Variants in PHOX2B observed in about 807,000 individuals in gnomAD.
PHOX2B encodes paired mesoderm homeobox protein 2B.
Under a neutral mutation model 15.5 loss-of-function variants are expected in PHOX2B, and 1 was observed. That is an observed-to-expected ratio of 0.06 (90% CI 0.02 to 0.31). The LOEUF (loss-of-function observed/expected upper bound fraction) is 0.31, where lower values mean the gene tolerates loss of function less well. PHOX2B is among the 10% of genes least tolerant of loss of function. The pLI, the probability that PHOX2B is intolerant of heterozygous loss-of-function variation, is 1.00. For missense variants in PHOX2B, 314 were observed against 436.4 expected, an observed-to-expected ratio of 0.72 and a Z score of 2.50; for synonymous variants, 206 against 190.5, an observed-to-expected ratio of 1.08 and a Z score of -0.67.
chr4:41,745,996 CGCCGCCGCTGCCGCG>C lies in PHOX2B; in HGVS notation c.741_755del (p.Ala256_Ala260del), dbSNP rs775006915. 4.7e-3 allele frequency: 5,712 copies of C among 1,204,798 alleles called. 44 individuals carry two copies. Among genetic ancestry groups the C allele is most frequent in the Non-Finnish European group, 5.4e-3 (5,300 of 972,966 alleles). The allele number at this position is 1,204,798 out of a possible 1,614,324, so 74.6% of individuals were successfully genotyped here. A position where few individuals can be genotyped will look rare whatever the true frequency, so the allele number is the denominator to read the frequency against. ...CAGCTGCCGCCGCTGCCGCTGCCGCCGCCGCCGCTGCCGCGGCCGCCGCCGCTGCTGCTGCGCCGC... is the reference window on the plus strand; with the variant it reads ...CAGCTGCCGCCGCTGCCGCTGCCGCCGCCGCCGCCGCTGCTGCTGCGCCGC... On this transcript the variant is annotated inframe_deletion, in exon 3 of 3. Transcript: ENST00000226382. This position sits in a 1 kb window ranked among gnomAD's most constrained non-coding sequence, Gnocchi z 4.0.
At chr4:41,748,344 C>T (rs773969259) in intron 1 of PHOX2B, 26 bp downstream of exon 1, 2 of 1,613,542 alleles carry the variant, frequency 1.2e-6, no homozygotes, top group African/African-American at 1.3e-5. Context: ...GCGGCTTCCT[C>T]CGCTGAGAAA....
chr4:41,746,404 C>G lies in PHOX2B; in HGVS notation c.430-82G>C, dbSNP rs893319937. The G allele has an allele frequency of 1.2e-5, 17 of 1,402,940 alleles. No homozygotes were observed. The Admixed American group carries it at 2.7e-4, about 22-fold the overall frequency. 86.9% of individuals were successfully genotyped at this position (1,402,940 alleles called of 1,614,324 possible). A position where few individuals can be genotyped will look rare whatever the true frequency, so the allele number is the denominator to read the frequency against. On this transcript the variant is annotated intron_variant, in intron 2 of 2. Coordinates refer to ENST00000226382, the MANE Select transcript of PHOX2B (RefSeq NM_003924.4). The stretch of plus-strand genomic sequence containing the variant: ...AAGAAAAGCACCGGTTAGGGTGGCC[C>G]AAGTTCTACTTCGGCTTGTTTTAAC...
At chr4:41,747,144 C>T (rs571738621) in intron 2 of PHOX2B, among the ~76,000 whole-genome samples, 2 of 152,174 alleles carry the variant, frequency 1.3e-5, no homozygotes, top group African/African-American at 4.8e-5. Flanking sequence ...AAACACTTCG[C>T]AACTGTAAAT....
Position 41,748,364 on chromosome 4 carries a change from C to G in PHOX2B, c.241+6G>C, listed in dbSNP as rs776614949. On this transcript the variant is annotated splice_donor_region_variant and intron_variant, in intron 1 of 2. Coordinates refer to ENST00000226382, the MANE Select transcript of PHOX2B (RefSeq NM_003924.4). ...TTCCTCCGCTGAGAAAGCTGAAGGTCCTTACCTGCGGCGTACGGACTGCTC... is the reference window on the plus strand; with the variant it reads ...TTCCTCCGCTGAGAAAGCTGAAGGTGCTTACCTGCGGCGTACGGACTGCTC... 1.9e-6 allele frequency: 3 copies of G among 1,613,940 alleles called. No homozygotes were observed. The highest frequency in any genetic ancestry group is 2.7e-5 in the African/African-American group (2 of 74,908).
At chr4:41,748,070 T>C (rs1733970881) in intron 1 of PHOX2B, among the ~76,000 whole-genome samples, 1 of 152,214 alleles carries the variant, frequency 6.6e-6, no homozygotes, top group African/African-American at 2.4e-5. Context: ...TGAGCTTTAC[T>C]CTTTGTTATT....
Position 41,748,423 on chromosome 4 carries a change from C to A in PHOX2B, c.188G>T (p.Gly63Val), listed in dbSNP as rs2153113046. 1 of 1,614,128 alleles carries A rather than the reference C, an allele frequency of 6.2e-7. No homozygotes were observed. Among genetic ancestry groups the A allele is most frequent in the Non-Finnish European group, 8.5e-7 (1 of 1,180,002 alleles). ...CCTGAGGGTGCCCAGGCTGCAGGAT[C>A]CCGGCGTGAGGGAAGGGCAGCCGGA... Reference protein sequence around the residue: ...ATSGCPSLTPGSCSLGTLRDH... With the variant: ...ATSGCPSLTPVSCSLGTLRDH... Residue 63 changes from glycine (G) to valine (V), a missense_variant, in exon 1 of 3, where the codon GGA (glycine) becomes GTA (valine). Gly to Val is a moderately radical substitution (Grantham distance 109). This residue lies in a region of PHOX2B where 102 missense variants were observed against 155.1 expected (regional missense o/e 0.66). Transcript: ENST00000226382.
In PHOX2B at chr4:41,746,161, G is replaced by C. The variant is rs144414806; in HGVS notation, c.591C>G (p.Gly197=). Residue 197 remains glycine, a synonymous_variant, in exon 3 of 3, where the codon GGC becomes GGG. Coordinates refer to ENST00000226382, the MANE Select transcript of PHOX2B (RefSeq NM_003924.4). ...AKSTDPDSTG[G]PGPNPNPTPS... ...GGGTGGGGTTGGGATTGGGACCTGG[G>C]CCCCCAGTGCTGTCCGGGTCAGTGC... 713 of 1,612,518 alleles carry C rather than the reference G, an allele frequency of 4.4e-4. No homozygotes were observed. The highest frequency in any genetic ancestry group is 5.5e-4 in the Non-Finnish European group (643 of 1,179,798).
rs1351806501 is a variant in PHOX2B, at chr4:41,746,257, GGCCGCTGCGGCT to G, written c.483_494del (p.Ala164_Ala167del). 2 of 1,613,316 alleles carry G rather than the reference GGCCGCTGCGGCT, an allele frequency of 1.2e-6. No homozygotes were observed. The highest frequency in any genetic ancestry group is 1.3e-5 in the African/African-American group (1 of 74,910). ...TGCCCGAGGAGCCGTTCTTGGCCGCGGCCGCTGCGGCTGCCGCTGCGCGCTCCTGCTTGCGAA... is the reference window on the plus strand; with the variant it reads ...TGCCCGAGGAGCCGTTCTTGGCCGCGGCCGCTGCGCGCTCCTGCTTGCGAA... On this transcript the variant is annotated inframe_deletion, in exon 3 of 3. Transcript: ENST00000226382.
At chr4:41,748,071 C>T (rs939018717) in intron 1 of PHOX2B, among the ~76,000 whole-genome samples, 2 of 152,140 alleles carry the variant, frequency 1.3e-5, no homozygotes, top group East Asian at 1.9e-4. Flanking sequence ...GAGCTTTACT[C>T]TTTGTTATTT....
chr4:41,747,246 TCTCA>T, intron 2 of PHOX2B, 99 bp downstream of exon 2: 1 of 939,556 alleles, frequency 1.1e-6, no homozygotes, highest in Non-Finnish European at 1.7e-6. Flanking sequence ...CCTAGGTCCT[TCTCA>T]CTCGAGGCTC....
rs771563787 is a variant in PHOX2B at position 41,746,087 on chromosome 4, C to G, written c.665G>C (p.Gly222Ala). The G allele has an allele frequency of 2.6e-6, 4 of 1,532,644 alleles. No individual in the cohort carries two copies. Among genetic ancestry groups the G allele is most frequent in the Non-Finnish European group, 3.5e-6 (4 of 1,147,290 alleles). 94.9% of individuals were successfully genotyped at this position (1,532,644 alleles called of 1,614,324 possible). A position where few individuals can be genotyped will look rare whatever the true frequency, so the allele number is the denominator to read the frequency against. The change falls in exon 3 of 3, where the codon GGA becomes GCA. Residue 222 changes from glycine to alanine, a missense_variant. Physicochemically the swap from Gly to Ala is moderately conservative, Grantham distance 60 (BLOSUM62 0). Transcript: ENST00000226382. ...CCCGGGCCCCGCCGCCCCCGGAGCTCCAGCCGGGCTGGGCCCGCCGCCGCC... is the reference window on the plus strand; with the variant it reads ...CCCGGGCCCCGCCGCCCCCGGAGCTGCAGCCGGGCTGGGCCCGCCGCCGCC... ...GGGGGGPSPAGAPGAAGPGGP... is the reference protein window; with the variant it reads ...GGGGGGPSPAAAPGAAGPGGP...
rs1733839184 is a variant in PHOX2B at position 41,745,047 on chromosome 4, G to C, written c.*760C>G. Reference sequence around the variant, plus strand: ...CAAGGGGGTGCGAGAAAGTCACTCCGGCCGCCGGGACAGTCTGAGCAAGTC... The same window carrying C: ...CAAGGGGGTGCGAGAAAGTCACTCCCGCCGCCGGGACAGTCTGAGCAAGTC... On this transcript the variant is annotated 3_prime_UTR_variant, in exon 3 of 3. Coordinates refer to ENST00000226382, the MANE Select transcript of PHOX2B (RefSeq NM_003924.4). This position sits in a 1 kb window ranked among gnomAD's most constrained non-coding sequence, Gnocchi z 4.0. 8.6e-6 allele frequency: 2 copies of C among 233,020 alleles called. No homozygotes were observed. Among genetic ancestry groups the C allele is most frequent in the Non-Finnish European group, 1.7e-5 (2 of 118,046 alleles). The allele number at this position is 233,020 out of a possible 1,614,324, so 14.4% of individuals were successfully genotyped here.
rs376060053 is a variant in PHOX2B at position 41,748,380 on chromosome 4, C to T, written c.231G>A (p.Pro77=). The change falls in exon 1 of 3, where the codon CCG becomes CCA. Residue 77 remains proline (P), a synonymous_variant. Transcript: ENST00000226382. ...GCTGAAGGTCCTTACCTGCGGCGTA[C>T]GGACTGCTCTGGTGGTCCCTGAGGG... ...LGTLRDHQSS[P]YAAVPYKLFT... is the part of the protein sequence containing the mutation. 1.9e-5 allele frequency: 31 copies of T among 1,614,078 alleles called. No individual in the cohort carries two copies. Among genetic ancestry groups the T allele is most frequent in the Non-Finnish European group, 2.5e-5 (29 of 1,179,976 alleles).
Position 41,745,476 on chromosome 4 carries a change from C to A in PHOX2B, c.*331G>T, listed in dbSNP as rs1467919541. 6 of 318,568 alleles carry A rather than the reference C, an allele frequency of 1.9e-5. No individual in the cohort carries two copies. Among genetic ancestry groups the A allele is most frequent in the Non-Finnish European group, 3.5e-5 (6 of 171,816 alleles). The allele number at this position is 318,568 out of a possible 1,614,324, so 19.7% of individuals were successfully genotyped here. ...GACACAAACTGACACGCAGACACAGCCCCCTGAGAGTGCCCCGCGTCCAGG... is the reference window on the plus strand; with the variant it reads ...GACACAAACTGACACGCAGACACAGACCCCTGAGAGTGCCCCGCGTCCAGG... On this transcript the variant is annotated 3_prime_UTR_variant, in exon 3 of 3. Transcript: ENST00000226382. This position sits in a 1 kb window ranked among gnomAD's most constrained non-coding sequence, Gnocchi z 4.0.
Position 41,746,303 on chromosome 4 carries a change from C to T in PHOX2B, c.449G>A (p.Arg150His). 6.2e-7 allele frequency: 1 copy of T among 1,613,804 alleles called. No homozygotes were observed. The highest frequency in any genetic ancestry group is 1.3e-5 in the African/African-American group (1 of 75,028). The change falls in exon 3 of 3, where the codon CGC (arginine) becomes CAC (histidine). Residue 150 changes from arginine (R) to histidine (H), a missense_variant. Arg to His is a conservative substitution (Grantham distance 29, BLOSUM62 0). Coordinates refer to ENST00000226382, the MANE Select transcript of PHOX2B (RefSeq NM_003924.4). ...ARVQVWFQNRRAKFRKQERAA... is the reference protein window; with the variant it reads ...ARVQVWFQNRHAKFRKQERAA... ...GCGCTCCTGCTTGCGAAACTTGGCGCGGCGGTTCTGGAACCACACCTGGCC... is the reference window on the plus strand; with the variant it reads ...GCGCTCCTGCTTGCGAAACTTGGCGTGGCGGTTCTGGAACCACACCTGGCC...
chr4:41,748,381 G>C lies in PHOX2B; in HGVS notation c.230C>G (p.Pro77Arg), dbSNP rs1733979767. 1 of 1,614,158 alleles carries C rather than the reference G, an allele frequency of 6.2e-7. No individual in the cohort carries two copies. Among genetic ancestry groups the C allele is most frequent in the East Asian group, 2.2e-5 (1 of 44,876 alleles). The change falls in exon 1 of 3, where the codon CCG (proline) becomes CGG (arginine). Residue 77 changes from proline (P) to arginine (R), a missense_variant. This residue lies in a region of PHOX2B where 102 missense variants were observed against 155.1 expected (regional missense o/e 0.66). Coordinates refer to ENST00000226382, the MANE Select transcript of PHOX2B (RefSeq NM_003924.4). ...LGTLRDHQSS[P>R]YAAVPYKLFT... ...CTGAAGGTCCTTACCTGCGGCGTAC[G>C]GACTGCTCTGGTGGTCCCTGAGGGT...
Position 41,744,985 on chromosome 4 carries a change from G to T in PHOX2B, c.*822C>A, listed in dbSNP as rs1029485696. On this transcript the variant is annotated 3_prime_UTR_variant, in exon 3 of 3. Transcript: ENST00000226382. ...TTGCAACTGTGTGGGGTTCCGATGCGCTAATGGCGGGATGGTGTTCAGCGA... is the reference window on the plus strand; with the variant it reads ...TTGCAACTGTGTGGGGTTCCGATGCTCTAATGGCGGGATGGTGTTCAGCGA... 7.7e-4 allele frequency: 180 copies of T among 233,324 alleles called. No individual in the cohort carries two copies. The highest frequency in any genetic ancestry group is 5.9e-5 in the Non-Finnish European group (7 of 118,106). The allele number at this position is 233,324 out of a possible 1,614,324, so 14.5% of individuals were successfully genotyped here.
Position 41,748,358 on chromosome 4 carries a change from G to T in PHOX2B, c.241+12C>A. 1 of 1,613,980 alleles carries T rather than the reference G, an allele frequency of 6.2e-7. No homozygotes were observed. The highest frequency in any genetic ancestry group is 8.5e-7 in the Non-Finnish European group (1 of 1,179,954). On this transcript the variant is annotated intron_variant, in intron 1 of 2. Coordinates refer to ENST00000226382, the MANE Select transcript of PHOX2B (RefSeq NM_003924.4). ...GGCGGCTTCCTCCGCTGAGAAAGCT[G>T]AAGGTCCTTACCTGCGGCGTACGGA...
chr4:41,746,940 T>C (rs1733919280), intron 2 of PHOX2B, among the ~76,000 whole-genome samples: 1 of 151,432 alleles, frequency 6.6e-6, no homozygotes, highest in Non-Finnish European at 1.5e-5. Flanking sequence ...TCCGGGAAAA[T>C]GAACCTATAT....
Sources: allele counts gnomAD v4.1 joint callset (sites outside exome capture counted in the v4.1 genomes callset), GRCh38; gene constraint gnomAD v4.1.1; regional missense constraint gnomAD v4.1.1; non-coding constraint Gnocchi (gnomAD v3.1); transcripts MANE v1.5; gene names NCBI Gene and HGNC (gene_info 2026-07-23, HGNC 2026-07-21).